The following TFCP2L1 variants were observed in gnomAD, a reference collection of about 807,000 sequenced individuals.
TFCP2L1 encodes the protein transcription factor CP2 like 1.
In TFCP2L1, 12 loss-of-function variants were observed where a neutral mutation model predicts 72.2. The ratio of observed to expected loss-of-function variants is 0.17; its 90% CI spans 0.11 to 0.27. TFCP2L1 has a LOEUF of 0.27. TFCP2L1 is among the 10% of genes least tolerant of loss of function. The probability of loss-of-function intolerance (pLI) is 1.00; values close to 1 mark genes in which losing one functional copy is unlikely to be tolerated. For synonymous variants in TFCP2L1, 260 were observed against 251.0 expected (o/e 1.04, Z -0.34); for missense variants, 488 against 624.6 (o/e 0.78, Z 2.33).
rs1164125790 is a variant in TFCP2L1, at chr2:121,218,939, C to G, written c.*5402G>C. 1 of 152,216 alleles carries G rather than the reference C, an allele frequency of 6.6e-6. No homozygotes were observed. Among genetic ancestry groups the G allele is most frequent in the African/African-American group, 2.4e-5 (1 of 41,426 alleles). 9.4% of individuals were successfully genotyped at this position (152,216 alleles called of 1,614,324 possible). A position where few individuals can be genotyped will look rare whatever the true frequency, so the allele number is the denominator to read the frequency against. The stretch of plus-strand genomic sequence containing the variant: ...CCCAAGGAGGCCTGGGGTGCCTGAC[C>G]AGCGCCTCACTGGCCCTCAAGCCCT... On this transcript the variant is annotated 3_prime_UTR_variant, in exon 15 of 15. Transcript: ENST00000263707.
chr2:121,250,382 ATATG>A lies in TFCP2L1; in HGVS notation c.215-739_215-736del, dbSNP rs563722895. On this transcript the variant is annotated intron_variant, in intron 2 of 14. Transcript: ENST00000263707. ...TATATATACACACACACACATACATATATGTATGTGTATATATATATAATCTCAA... is the reference window on the plus strand; with the variant it reads ...TATATATACACACACACACATACATATATGTGTATATATATATAATCTCAA... Among the ~76,000 whole-genome samples, 27 of 150,396 alleles carry A rather than the reference ATATG, an allele frequency of 1.8e-4. 1 individual carries two copies. Among genetic ancestry groups the A allele is most frequent in the African/African-American group, 4.9e-4 (20 of 40,754 alleles).
chr2:121,280,897 G>T (rs898274888), intron 2 of TFCP2L1, among the ~76,000 whole-genome samples: 1 of 152,006 alleles, frequency 6.6e-6, no homozygotes, highest in Non-Finnish European at 1.5e-5. Context: ...CCTGTTACCC[G>T]CGTGAGGTAT....
chr2:121,242,375 G>T lies in TFCP2L1; in HGVS notation c.752C>A (p.Thr251Asn). ...CCGGCTCACCTCTGTGAGGATGGTG[G>T]TTTCATAGGACGGCTGGTATTTCTC... Reference protein sequence around the residue: ...EKEKYQPSYETTILTECSPWP... With the variant: ...EKEKYQPSYENTILTECSPWP... The change falls in exon 7 of 15, where the codon ACC becomes AAC. Residue 251 changes from threonine (T) to asparagine (N), a missense_variant. Physicochemically the swap from Thr to Asn is moderately conservative, Grantham distance 65. Around this residue, in one of 3 missense-constraint regions of TFCP2L1, gnomAD observed 286 missense variants for 329.0 expected, o/e 0.87. Coordinates refer to ENST00000263707, the MANE Select transcript of TFCP2L1 (RefSeq NM_014553.3). 6.2e-7 allele frequency: 1 copy of T among 1,614,180 alleles called. No individual in the cohort carries two copies. The highest frequency in any genetic ancestry group is 8.5e-7 in the Non-Finnish European group (1 of 1,180,026).
chr2:121,278,987 G>C (rs1573400553), intron 2 of TFCP2L1, among the ~76,000 whole-genome samples: 3 of 151,942 alleles, frequency 2.0e-5, no homozygotes, highest in African/African-American at 4.8e-5. Flanking sequence ...CTGGGAGACA[G>C]AGCAAGACTC....
At chr2:121,224,519 T>C in intron 14 of TFCP2L1, 132 bp from the exon 15 acceptor site, 2 of 824,528 alleles carry the variant, frequency 2.4e-6, no homozygotes, top group Admixed American at 2.1e-5. Context: ...CAGCAAAGCG[T>C]GCTGGCAGAA....
intron 2 of TFCP2L1, among the ~76,000 whole-genome samples, chr2:121,251,511 G>A (rs1321304096): frequency 6.6e-6 from 1 of 152,102 alleles, no homozygotes; most frequent in Non-Finnish European, 1.5e-5. Flanking sequence ...AGTTATCATT[G>A]GATTAAAAAG....
chr2:121,279,416 G>T (rs1322375042), intron 2 of TFCP2L1, among the ~76,000 whole-genome samples: 1 of 152,162 alleles, frequency 6.6e-6, no homozygotes, highest in Non-Finnish European at 1.5e-5. Flanking sequence ...TGGTGCACAG[G>T]TCTCCGGGCC....
At position 121,285,169 on chromosome 2, in the gene TFCP2L1, C is replaced by T. The variant is rs929046519; in HGVS notation, c.-60G>A. Reference sequence around the variant, plus strand: ...CAGCAAGCGCAGACGCGGGGCGCGCCGAGGACCCAGCGGCGGCTTCGCGCT... The same window carrying T: ...CAGCAAGCGCAGACGCGGGGCGCGCTGAGGACCCAGCGGCGGCTTCGCGCT... On this transcript the variant is annotated 5_prime_UTR_variant, in exon 1 of 15. Transcript: ENST00000263707. 1 of 1,375,960 alleles carries T rather than the reference C, an allele frequency of 7.3e-7. No homozygotes were observed. Among genetic ancestry groups the T allele is most frequent in the Non-Finnish European group, 9.4e-7 (1 of 1,059,478 alleles). 85.2% of individuals were successfully genotyped at this position (1,375,960 alleles called of 1,614,324 possible).
At chr2:121,283,449 G>T (rs1687304474) in intron 1 of TFCP2L1, among the ~76,000 whole-genome samples, 6 of 152,170 alleles carry the variant, frequency 3.9e-5, no homozygotes, top group Admixed American at 3.9e-4. Context: ...AATAAAAAAG[G>T]GCAAGGACTT....
At position 121,221,907 on chromosome 2, in the gene TFCP2L1, T is replaced by C. The variant is rs1685935588; in HGVS notation, c.*2434A>G. 6.6e-6 allele frequency: 1 copy of C among 151,188 alleles called. No individual in the cohort carries two copies. Among genetic ancestry groups the C allele is most frequent in the Admixed American group, 6.6e-5 (1 of 15,202 alleles). 9.4% of individuals were successfully genotyped at this position (151,188 alleles called of 1,614,324 possible). ...ACAAATAGCTCACCCAACTCAATAA[T>C]AAAAAGAAGGCTCATCCCTGGTAGT... On this transcript the variant is annotated 3_prime_UTR_variant, in exon 15 of 15. Coordinates refer to ENST00000263707, the MANE Select transcript of TFCP2L1 (RefSeq NM_014553.3).
At chr2:121,229,523 ATT>A (rs1396395655) in intron 13 of TFCP2L1, among the ~76,000 whole-genome samples, 1 of 152,206 alleles carries the variant, frequency 6.6e-6, no homozygotes, top group Non-Finnish European at 1.5e-5. Context: ...CAAGAGGATT[ATT>A]ACTAGTAATG....
intron 2 of TFCP2L1, among the ~76,000 whole-genome samples, chr2:121,266,923 T>C (rs1479401078): frequency 7.1e-6 from 1 of 140,674 alleles, no homozygotes; most frequent in Non-Finnish European, 1.5e-5. Context: ...ATTTATTTAT[T>C]TATTTTTGAG....
chr2:121,258,351 A>G (rs750239719), intron 2 of TFCP2L1, among the ~76,000 whole-genome samples: 8 of 152,200 alleles, frequency 5.3e-5, no homozygotes, highest in Non-Finnish European at 1.0e-4. Flanking sequence ...CAGTCTATAG[A>G]GCTGCCAGCT....
intron 12 of TFCP2L1, among the ~76,000 whole-genome samples, chr2:121,233,149 C>T (rs1686178649): frequency 6.6e-6 from 1 of 152,138 alleles, no homozygotes; most frequent in African/African-American, 2.4e-5. Flanking sequence ...GAGACTCCAT[C>T]TCTACAAAAA....
At chr2:121,264,797 C>T (rs945485385) in intron 2 of TFCP2L1, among the ~76,000 whole-genome samples, 1 of 152,194 alleles carries the variant, frequency 6.6e-6, no homozygotes, top group African/African-American at 2.4e-5. Context: ...GTTACCCATA[C>T]CCTCTCCATC....
In TFCP2L1 at chr2:121,235,276, C is replaced by T. The variant is rs1403611325; in HGVS notation, c.1039G>A (p.Val347Ile). The T allele has an allele frequency of 8.7e-6, 14 of 1,613,982 alleles. No individual in the cohort carries two copies. Among genetic ancestry groups the T allele is most frequent in the Middle Eastern group, 1.6e-4 (1 of 6,084 alleles). ...DLLKMSRDDL[V>I]QICGPADGIR... ...CCATCTGCGGGACCACAGATCTGGACCAAATCATCTCGGGACATCTTCAGC... is the reference window on the plus strand; with the variant it reads ...CCATCTGCGGGACCACAGATCTGGATCAAATCATCTCGGGACATCTTCAGC... Residue 347 changes from valine (V) to isoleucine (I), a missense_variant, in exon 11 of 15, where the codon GTC (valine) becomes ATC (isoleucine). Val to Ile is a conservative substitution (Grantham distance 29). Transcript: ENST00000263707.
chr2:121,257,984 G>A (rs1686761183), intron 2 of TFCP2L1, among the ~76,000 whole-genome samples: 1 of 151,996 alleles, frequency 6.6e-6, no homozygotes, highest in East Asian at 1.9e-4. Flanking sequence ...CCAGCACCAT[G>A]GACAATACTG....
rs566895526 is a variant in TFCP2L1, at chr2:121,238,993, C to T, written c.860+565G>A. On this transcript the variant is annotated intron_variant, in intron 8 of 14. Transcript: ENST00000263707. ...CAGCACAGGGCATGCAGAGCCATCA[C>T]GGTGACCCATGGCCCCGTGCTGTGC... Among the ~76,000 whole-genome samples, 6 of 152,270 alleles carry T rather than the reference C, an allele frequency of 3.9e-5. No homozygotes were observed. The East Asian group carries it at 7.8e-4, about 20-fold the overall frequency.
intron 2 of TFCP2L1, among the ~76,000 whole-genome samples, chr2:121,271,891 G>C (rs1301913569): frequency 6.6e-6 from 1 of 152,156 alleles, no homozygotes; most frequent in South Asian, 2.1e-4. Context: ...TGGAAAACAG[G>C]AGGGTTGGGG....
Sources: gnomAD v4.1 joint callset for allele counts (sites outside exome capture counted in the v4.1 genomes callset) on GRCh38, gnomAD v4.1.1 for gene constraint, gnomAD v4.1.1 regional missense constraint, MANE v1.5 for transcripts, NCBI Gene and HGNC (gene_info 2026-07-23, HGNC 2026-07-21) for gene names.